The following SDK1 variants were observed in gnomAD, a reference collection of about 807,000 sequenced individuals.
SDK1 encodes the protein protein sidekick-1.
A neutral mutation model predicts 245.5 loss-of-function variants in SDK1; 157 were observed. The ratio of observed to expected loss-of-function variants is 0.64; its 90% CI spans 0.56 to 0.73. The LOEUF is 0.73. Among genes scored for constraint, SDK1 ranks in the 30% least tolerant of loss-of-function variants. The probability of loss-of-function intolerance (pLI) is 0.00; values close to 1 mark genes in which losing one functional copy is unlikely to be tolerated. For synonymous variants in SDK1, 1,647 were observed against 1,278.5 expected, an observed-to-expected ratio of 1.29 and a Z score of -6.15; for missense variants, 3,583 against 3,002.3, an observed-to-expected ratio of 1.19 and a Z score of -4.52.
Position 3,788,151 on chromosome 7 carries a change from C to A in SDK1, c.714-33299C>A, listed in dbSNP as rs142056421. 3.4e-3 allele frequency among the ~76,000 whole-genome samples: 518 copies of A among 152,332 alleles called. 5 individuals carry two copies. The highest frequency in any genetic ancestry group is 0.012 in the African/African-American group (497 of 41,578). Reference sequence around the variant, plus strand: ...GAAGCAGGAAGCCACTCTGCACTCACTGGCTCTGGGAGAGAGTGCTCGGGC... The same window carrying A: ...GAAGCAGGAAGCCACTCTGCACTCAATGGCTCTGGGAGAGAGTGCTCGGGC... On this transcript the variant is annotated intron_variant, in intron 4 of 44. Coordinates refer to ENST00000404826, the MANE Select transcript of SDK1 (RefSeq NM_152744.4).
chr7:4,209,914 T>G, intron 37 of SDK1, 111 bp from the exon 38 acceptor site: 2 of 1,045,892 alleles, frequency 1.9e-6, no homozygotes, highest in Non-Finnish European at 2.6e-6. Context: ...TTTTACTGAG[T>G]TGAAAATAAC....
At chr7:3,316,940 G>A (rs796142691) in intron 1 of SDK1, among the ~76,000 whole-genome samples, 2 of 152,016 alleles carry the variant, frequency 1.3e-5, no homozygotes, top group Admixed American at 6.6e-5. Flanking sequence ...GGCATTTTGG[G>A]AGGCTGAGGT....
intron 5 of SDK1, among the ~76,000 whole-genome samples, chr7:3,893,502 C>T (rs1781514096): frequency 6.6e-6 from 1 of 151,966 alleles, no homozygotes; most frequent in African/African-American, 2.4e-5. Context: ...GGTACCTGAG[C>T]CTGCTTTCCA....
Position 4,175,848 on chromosome 7 carries a change from C to G in SDK1, c.4996+14C>G. On this transcript the variant is annotated intron_variant, in intron 34 of 44. Transcript: ENST00000404826. ...GTGAACTAACACGTAAGTGCGCTCT[C>G]AGCGGGAGGCCCATGCCGCGAGGCG... The G allele has an allele frequency of 6.2e-7, 1 of 1,610,496 alleles. No homozygotes were observed.
chr7:3,435,321 CTTTTTTTTTTTT>C (rs71029672), intron 1 of SDK1, among the ~76,000 whole-genome samples: 3 of 56,878 alleles, frequency 5.3e-5, no homozygotes, highest in African/African-American at 2.7e-4. Flanking sequence ...AGGGGACTGC[CTTTTTTTTTTTT>C]TTTTTTTTTT....
chr7:3,402,567 T>C (rs1182337007), intron 1 of SDK1, among the ~76,000 whole-genome samples: 2 of 152,348 alleles, frequency 1.3e-5, no homozygotes, highest in South Asian at 2.1e-4. Flanking sequence ...CACAATTAAA[T>C]TTCCCAAGTG....
intron 13 of SDK1, among the ~76,000 whole-genome samples, chr7:3,979,040 C>G (rs1041115260): frequency 6.6e-6 from 1 of 152,178 alleles, no homozygotes; most frequent in Non-Finnish European, 1.5e-5. Context: ...CACATCACAC[C>G]CACAGCAGTC....
intron 20 of SDK1, among the ~76,000 whole-genome samples, chr7:4,073,930 C>G (rs1459919310): frequency 6.6e-6 from 1 of 151,884 alleles, no homozygotes; most frequent in Non-Finnish European, 1.5e-5. Context: ...TGCTCAGGCC[C>G]CTCTCCCAGT....
rs186578120 is a variant in SDK1 at position 3,725,504 on chromosome 7, C to T, written c.713+83399C>T. 3.5e-4 allele frequency among the ~76,000 whole-genome samples: 54 copies of T among 152,300 alleles called. 1 individual carries two copies. Among genetic ancestry groups the T allele is most frequent in the Admixed American group, 3.3e-3 (51 of 15,300 alleles). ...GTTACACAAGAAACTGTGATGAGAT[C>T]CCCTTAAGAGAATATTAATGCTATC... On this transcript the variant is annotated intron_variant, in intron 4 of 44. Transcript: ENST00000404826.
At chr7:3,816,383 A>G (rs1478006266) in intron 4 of SDK1, among the ~76,000 whole-genome samples, 1 of 148,564 alleles carries the variant, frequency 6.7e-6, no homozygotes. Context: ...AGAAGAATCA[A>G]ATAGACACAA....
intron 1 of SDK1, among the ~76,000 whole-genome samples, chr7:3,350,249 A>G (rs557013476): frequency 2.0e-5 from 3 of 152,304 alleles, no homozygotes; most frequent in African/African-American, 4.8e-5. Flanking sequence ...TCACTTAACA[A>G]TGAGTGTGGA....
At chr7:3,514,521 T>A (rs1340489865) in intron 1 of SDK1, among the ~76,000 whole-genome samples, 1 of 152,180 alleles carries the variant, frequency 6.6e-6, no homozygotes, top group Non-Finnish European at 1.5e-5. Context: ...CATTAGGACT[T>A]GGGCGTCTTT....
At chr7:3,501,618 T>C (rs1038198011) in intron 1 of SDK1, among the ~76,000 whole-genome samples, 3 of 152,218 alleles carry the variant, frequency 2.0e-5, no homozygotes, top group African/African-American at 7.2e-5. Flanking sequence ...AGTATTTGTT[T>C]TTCTTAATCC....
In SDK1 at chr7:4,214,120, T is replaced by A. The variant is rs12113641; in HGVS notation, c.5539+3958T>A. On this transcript the variant is annotated intron_variant, in intron 38 of 44. Transcript: ENST00000404826. ...CAAAGACATTTGCCCAAGGCCTGCG[T>A]TTTGAAAATAATGACGAGGGTTGGG... Among the ~76,000 whole-genome samples, 355 of 152,164 alleles carry A rather than the reference T, an allele frequency of 2.3e-3. 1 individual carries two copies. Among genetic ancestry groups the A allele is most frequent in the African/African-American group, 8.2e-3 (341 of 41,530 alleles).
rs73296269 is a variant in SDK1, at chr7:3,560,587, G to T, written c.299-58493G>T. On this transcript the variant is annotated intron_variant, in intron 1 of 44. Transcript: ENST00000404826. ...CCTGCACTGGGTTTTTAGCTGGCCT[G>T]TGGGTTTTCCCTTGCACCCCACAGC... 9.0e-3 allele frequency among the ~76,000 whole-genome samples: 1,369 copies of T among 152,248 alleles called. 26 individuals are homozygous for T. The highest frequency in any genetic ancestry group is 0.031 in the African/African-American group (1,290 of 41,534).
At position 4,208,260 on chromosome 7, in the gene SDK1, C is replaced by G. The variant is rs1473975555; in HGVS notation, c.5376C>G (p.Pro1792=). 2 of 1,613,372 alleles carry G rather than the reference C, an allele frequency of 1.2e-6. No individual in the cohort carries two copies. Among genetic ancestry groups the G allele is most frequent in the Non-Finnish European group, 1.7e-6 (2 of 1,179,886 alleles). ...NAAGDGPKSD[P]QQGRTHQAAP... is the part of the protein sequence containing the mutation. Reference sequence around the variant, plus strand: ...CCGGAGATGGACCTAAGAGTGACCCCCAGCAGGGGCGCACCCACCAGGCCG... The same window carrying G: ...CCGGAGATGGACCTAAGAGTGACCCGCAGCAGGGGCGCACCCACCAGGCCG... The change falls in exon 37 of 45, where the codon CCC becomes CCG. Residue 1792 remains proline (P), a synonymous_variant. Transcript: ENST00000404826.
In SDK1 at chr7:3,301,748, G is replaced by A. The variant is rs1779267269; in HGVS notation, c.162G>A (p.Ala54=). 1.0e-6 allele frequency: 1 copy of A among 981,626 alleles called. No homozygotes were observed. The highest frequency in any genetic ancestry group is 1.8e-5 in the African/African-American group (1 of 56,476). 60.8% of individuals were successfully genotyped at this position (981,626 alleles called of 1,614,324 possible). Residue 54 remains alanine (A), a synonymous_variant, in exon 1 of 45, where the codon GCG becomes GCA. Coordinates refer to ENST00000404826, the MANE Select transcript of SDK1 (RefSeq NM_152744.4). Reference sequence around the variant, plus strand: ...CGGAGCCCTCGCGACCCCGGGCGGCGCCCGAGACCTCCGGCGGGGACACGG... The same window carrying A: ...CGGAGCCCTCGCGACCCCGGGCGGCACCCGAGACCTCCGGCGGGGACACGG... ...PGPEPSRPRA[A]PETSGGDTAG...
At chr7:3,466,688 T>C (rs1781011982) in intron 1 of SDK1, among the ~76,000 whole-genome samples, 1 of 151,718 alleles carries the variant, frequency 6.6e-6, no homozygotes, top group Non-Finnish European at 1.5e-5. Flanking sequence ...CTCCCTTCTT[T>C]TGTAGCATTT....
chr7:3,746,708 C>T (rs992227622), intron 4 of SDK1, among the ~76,000 whole-genome samples: 1 of 152,194 alleles, frequency 6.6e-6, no homozygotes, highest in African/African-American at 2.4e-5. Context: ...TGTAGCAATT[C>T]AGTCATGTCT....
Sources: gnomAD v4.1 joint callset for allele counts (sites outside exome capture counted in the v4.1 genomes callset) on GRCh38, gnomAD v4.1.1 for gene constraint, MANE v1.5 for transcripts, NCBI Gene and HGNC (gene_info 2026-07-23, HGNC 2026-07-21) for gene names.